SORBS2: variants seen among roughly 807,000 people sequenced by gnomAD.
The protein encoded by SORBS2 is sorbin and SH3 domain containing 2.
Under a neutral mutation model 97.7 loss-of-function variants are expected in SORBS2, and 46 were observed. That is an observed-to-expected ratio of 0.47 (90% CI 0.37 to 0.60). SORBS2 has a LOEUF of 0.60. Ranked by LOEUF, SORBS2 falls within the 20% of genes least tolerant of loss-of-function variation. SORBS2 has a pLI of 0.00. For missense variants in SORBS2, 1,316 were observed against 1,282.3 expected (o/e 1.03, Z -0.40); for synonymous variants, 476 against 473.4 (o/e 1.01, Z -0.07).
At chr4:185,655,932 G>C (rs1294259826) in intron 1 of SORBS2, among the ~76,000 whole-genome samples, 1 of 152,062 alleles carries the variant, frequency 6.6e-6, no homozygotes, top group Admixed American at 6.5e-5. Context: ...ATAGAATCAG[G>C]GCTTTCTTAA....
chr4:185,873,332 C>T (rs1032265166), intron 1 of SORBS2, among the ~76,000 whole-genome samples: 2 of 152,130 alleles, frequency 1.3e-5, no homozygotes, highest in Non-Finnish European at 1.5e-5. Context: ...CTTAATGATG[C>T]CCGCTTCTAT....
chr4:185,929,721 A>C (rs372635705), intron 1 of SORBS2, among the ~76,000 whole-genome samples: 4 of 151,952 alleles, frequency 2.6e-5, no homozygotes, highest in African/African-American at 9.7e-5. Context: ...TTTTTAGTAG[A>C]GTTGGGGTTT....
intron 11 of SORBS2, chr4:185,614,544 C>T (rs2096598716): frequency 3.0e-6 from 1 of 336,384 alleles, no homozygotes; most frequent in African/African-American, 2.1e-5. Flanking sequence ...CTTTTGTGCT[C>T]CCGAATGTAT....
chr4:185,923,954 A>T (rs1226118835), intron 1 of SORBS2, among the ~76,000 whole-genome samples: 2 of 152,208 alleles, frequency 1.3e-5, no homozygotes, highest in Non-Finnish European at 2.9e-5. Context: ...ATAAATGACC[A>T]TTCCTTTGCG....
At chr4:185,829,608 GAATA>G in intron 1 of SORBS2, among the ~76,000 whole-genome samples, 1 of 152,226 alleles carries the variant, frequency 6.6e-6, no homozygotes. Flanking sequence ...GACATTAAAG[GAATA>G]AATGAGGCAG....
chr4:185,587,363 C>G, exon 15 of SORBS2: 1 of 183,428 alleles, frequency 5.5e-6, no homozygotes. Flanking sequence ...TGATTTTTTT[C>G]TTTCTGATCC....
intron 1 of SORBS2, among the ~76,000 whole-genome samples, chr4:185,779,834 C>T (rs1042429704): frequency 2.6e-5 from 4 of 152,038 alleles, no homozygotes; most frequent in Non-Finnish European, 4.4e-5. Flanking sequence ...TAGGGCGAGG[C>T]AGCAAGACCA....
chr4:185,685,044 G>C (rs1448637195), intron 2 of SORBS2, among the ~76,000 whole-genome samples, 198 bp from the exon 5 acceptor site: 1 of 152,160 alleles, frequency 6.6e-6, no homozygotes, highest in Non-Finnish European at 1.5e-5. Flanking sequence ...AAGAAGACCA[G>C]GGATCTGTCT....
intron 1 of SORBS2, among the ~76,000 whole-genome samples, chr4:185,886,128 T>A (rs915995154): frequency 1.3e-5 from 2 of 152,194 alleles, no homozygotes; most frequent in Non-Finnish European, 2.9e-5. Flanking sequence ...ATGGACTGAC[T>A]GAGAAAGCAT....
chr4:185,864,739 T>A (rs777300629), intron 1 of SORBS2, among the ~76,000 whole-genome samples: 2 of 151,954 alleles, frequency 1.3e-5, no homozygotes, highest in Non-Finnish European at 2.9e-5. Flanking sequence ...GGTGAAACCC[T>A]GTCTCTACTA....
At chr4:185,950,201 G>A (rs754093756) in intron 1 of SORBS2, among the ~76,000 whole-genome samples, 29 of 151,094 alleles carry the variant, frequency 1.9e-4, no homozygotes, top group South Asian at 8.4e-4. Context: ...GCAGCGAGCC[G>A]AGATTGTGCC....
chr4:185,789,210 A>T (rs2099069721), intron 1 of SORBS2, among the ~76,000 whole-genome samples: 1 of 152,174 alleles, frequency 6.6e-6, no homozygotes, highest in African/African-American at 2.4e-5. Context: ...AGTCAGCTTA[A>T]GATCCAGTGT....
At chr4:185,734,633 C>T (rs2098670579) in intron 2 of SORBS2, among the ~76,000 whole-genome samples, 1 of 152,206 alleles carries the variant, frequency 6.6e-6, no homozygotes, top group Non-Finnish European at 1.5e-5. Flanking sequence ...ATCTGCCGTT[C>T]CCACCTCCTC....
rs560607308 is a variant in SORBS2 at position 185,937,354 on chromosome 4, G to A, written c.-338+18842C>T. On this transcript the variant is annotated intron_variant, in intron 1 of 20. Coordinates refer to the SORBS2 transcript ENST00000284776. The stretch of plus-strand genomic sequence containing the variant: ...GTTTATTTACTCTTACAGTGAGATA[G>A]GTTCAATTTTTCTTAACAGAGCTAT... Among the ~76,000 whole-genome samples the A allele has an allele frequency of 8.0e-4, 122 of 152,292 alleles. 1 individual carries two copies. The highest frequency in any genetic ancestry group is 2.8e-3 in the African/African-American group (117 of 41,560).
chr4:185,926,583 C>A (rs1282846690), intron 1 of SORBS2, among the ~76,000 whole-genome samples: 2 of 149,646 alleles, frequency 1.3e-5, no homozygotes, highest in East Asian at 3.9e-4. Context: ...ATGTAGAATT[C>A]TATTATAAAA....
intron 1 of SORBS2, among the ~76,000 whole-genome samples, chr4:185,901,063 A>AGTATTTT (rs1460667378): frequency 6.6e-6 from 1 of 152,252 alleles, no homozygotes; most frequent in Non-Finnish European, 1.5e-5. Context: ...AATTAGCACC[A>AGTATTTT]GTATTTTGTT....
intron 1 of SORBS2, among the ~76,000 whole-genome samples, chr4:185,846,350 C>T (rs1421486131): frequency 6.6e-6 from 1 of 152,104 alleles, no homozygotes; most frequent in Non-Finnish European, 1.5e-5. Flanking sequence ...AAAAATAAAA[C>T]TATAGGGACA....
At chr4:185,905,651 G>A (rs557460402) in intron 1 of SORBS2, among the ~76,000 whole-genome samples, 1 of 152,138 alleles carries the variant, frequency 6.6e-6, no homozygotes, top group East Asian at 1.9e-4. Context: ...TTTTCTACAG[G>A]TGCGGTCTTA....
intron 4 of SORBS2, among the ~76,000 whole-genome samples, chr4:185,638,570 C>T (rs1373809315): frequency 1.3e-5 from 2 of 152,076 alleles, no homozygotes; most frequent in African/African-American, 4.8e-5. Context: ...CTTCATCGTC[C>T]CTGCCCTCAT....
Sources: allele counts gnomAD v4.1 joint callset (sites outside exome capture counted in the v4.1 genomes callset), GRCh38; gene constraint gnomAD v4.1.1; transcripts MANE v1.5; gene names NCBI Gene and HGNC (gene_info 2026-07-23, HGNC 2026-07-21).